GRM5: variants seen among roughly 807,000 people sequenced by gnomAD.
The protein encoded by GRM5 is metabotropic glutamate receptor 5.
A neutral mutation model predicts 83.1 loss-of-function variants in GRM5; 19 were observed. That is an observed-to-expected ratio of 0.23 (90% CI 0.16 to 0.34). The LOEUF (loss-of-function observed/expected upper bound fraction) is 0.34. Ranked by LOEUF, GRM5 falls within the 10% of genes least tolerant of loss-of-function variation. GRM5 has a pLI of 1.00. For missense variants in GRM5, 1,160 were observed against 1,588.3 expected (o/e 0.73, Z 4.58); for synonymous variants, 675 against 633.6 (o/e 1.07, Z -0.98).
chr11:88,978,474 T>TAAAAAAA (rs200343438), intron 2 of GRM5, among the ~76,000 whole-genome samples: 48 of 97,968 alleles, frequency 4.9e-4, no homozygotes, highest in East Asian at 1.2e-3. Context: ...CAGATGAGCT[T>TAAAAAAA]AAAAAAAAAA....
chr11:88,704,280 A>G (rs914589788), intron 3 of GRM5, among the ~76,000 whole-genome samples: 1 of 152,062 alleles, frequency 6.6e-6, no homozygotes, highest in African/African-American at 2.4e-5. Context: ...CCATAGCAGT[A>G]CCTATTTTAA....
intron 3 of GRM5, among the ~76,000 whole-genome samples, chr11:88,786,331 A>G (rs1279612233): frequency 6.6e-6 from 1 of 152,114 alleles, no homozygotes; most frequent in African/African-American, 2.4e-5. Context: ...ACCACCCAGA[A>G]TGAATTTGAG....
intron 2 of GRM5, among the ~76,000 whole-genome samples, chr11:88,889,462 C>T (rs1291560564): frequency 6.6e-6 from 1 of 152,094 alleles, no homozygotes; most frequent in African/African-American, 2.4e-5. Flanking sequence ...ACACCTTGTA[C>T]ACTCACTGTT....
In GRM5 at chr11:88,550,446, G is replaced by A. The variant is rs1176306393; in HGVS notation, c.2630+16607C>T. The stretch of plus-strand genomic sequence containing the variant: ...TGTACTTCATCTGAATCTGTCTTTA[G>A]GACACACATCCAACTCCGTGTACCA... On this transcript the variant is annotated intron_variant, in intron 8 of 9. Transcript: ENST00000305447. Among the ~76,000 whole-genome samples the A allele has an allele frequency of 2.0e-5, 3 of 152,162 alleles. No individual in the cohort carries two copies. In the East Asian group the frequency reaches 5.8e-4, roughly 29 times the overall value.
At chr11:88,944,777 G>A (rs1938225446) in intron 2 of GRM5, among the ~76,000 whole-genome samples, 1 of 151,696 alleles carries the variant, frequency 6.6e-6, no homozygotes, top group African/African-American at 2.4e-5. Context: ...AGCAAAGCCT[G>A]GAAATATCCC....
chr11:88,536,596 T>G (rs919031295), intron 8 of GRM5, among the ~76,000 whole-genome samples: 2 of 152,178 alleles, frequency 1.3e-5, no homozygotes, highest in Non-Finnish European at 2.9e-5. Flanking sequence ...GCACATTCAA[T>G]TCTGTTCCCA....
chr11:88,666,185 A>AATTGT (rs1940039051), intron 3 of GRM5, among the ~76,000 whole-genome samples: 1 of 152,198 alleles, frequency 6.6e-6, no homozygotes, highest in Non-Finnish European at 1.5e-5. Flanking sequence ...AGAAAAAAAG[A>AATTGT]ATTGTAATTG....
At chr11:88,981,543 C>G (rs1939523061) in intron 2 of GRM5, among the ~76,000 whole-genome samples, 1 of 152,062 alleles carries the variant, frequency 6.6e-6, no homozygotes, top group Non-Finnish European at 1.5e-5. Flanking sequence ...AACTATGAGT[C>G]AAGGAGAGAC....
rs767113332 is a variant in GRM5 at position 88,567,145 on chromosome 11, A to G, written c.2538T>C (p.His846=). 1.6e-5 allele frequency: 26 copies of G among 1,614,000 alleles called. No individual in the cohort carries two copies. Among genetic ancestry groups the G allele is most frequent in the Non-Finnish European group, 8.5e-7 (1 of 1,179,998 alleles). Reference sequence around the variant, plus strand: ...CGGAGGATGACTTGCCATCCCCTACATGCATGCGCACCACGGTAGATGTGG... The same window carrying G: ...CGGAGGATGACTTGCCATCCCCTACGTGCATGCGCACCACGGTAGATGTGG... ...AFTTSTVVRM[H]VGDGKSSSAA... is the part of the protein sequence containing the mutation. The change falls in exon 8 of 10, where the codon CAT becomes CAC. Residue 846 remains histidine (H), a synonymous_variant. Coordinates refer to ENST00000305447, the MANE Select transcript of GRM5 (RefSeq NM_001143831.3). The surrounding 1 kb of genome is among the most constrained non-coding windows in gnomAD (Gnocchi z 7.3).
chr11:89,054,644 G>C (rs1591082249), intron 1 of GRM5, among the ~76,000 whole-genome samples: 2 of 152,278 alleles, frequency 1.3e-5, no homozygotes, highest in Non-Finnish European at 1.5e-5. Flanking sequence ...GGAATTCCAA[G>C]GTTCAATGGT....
intron 3 of GRM5, among the ~76,000 whole-genome samples, chr11:88,686,205 GA>G (rs1172952934): frequency 6.6e-6 from 1 of 152,134 alleles, no homozygotes; most frequent in East Asian, 1.9e-4. Flanking sequence ...GTGAGACCTG[GA>G]GTCAAAGGAG....
At chr11:88,848,417 T>G (rs1270648276) in intron 3 of GRM5, among the ~76,000 whole-genome samples, 1 of 152,160 alleles carries the variant, frequency 6.6e-6, no homozygotes, top group African/African-American at 2.4e-5. Context: ...GACGGTCAGT[T>G]AAGCATTTGG....
intron 3 of GRM5, among the ~76,000 whole-genome samples, chr11:88,749,489 G>A (rs1484418081): frequency 3.3e-5 from 5 of 152,118 alleles, no homozygotes; most frequent in Non-Finnish European, 7.4e-5. Flanking sequence ...AAAGAGGTGG[G>A]GAAAGTGGAA....
chr11:88,563,006 C>T (rs555624260), intron 8 of GRM5, among the ~76,000 whole-genome samples: 82 of 152,250 alleles, frequency 5.4e-4, no homozygotes, highest in Non-Finnish European at 1.1e-3. Context: ...TGAACCAACA[C>T]CCGAAGAAAT....
intron 3 of GRM5, among the ~76,000 whole-genome samples, chr11:88,705,628 C>A (rs1208967996): frequency 6.6e-6 from 1 of 150,400 alleles, no homozygotes; most frequent in Non-Finnish European, 1.5e-5. Flanking sequence ...TTTTCTCCTA[C>A]CTTGCTGCCA....
At chr11:88,806,782 A>G (rs1481734927) in intron 3 of GRM5, among the ~76,000 whole-genome samples, 1 of 152,038 alleles carries the variant, frequency 6.6e-6, no homozygotes, top group African/African-American at 2.4e-5. Flanking sequence ...ATCCTGTGAA[A>G]CTTTCCCCAT....
In GRM5 at chr11:88,980,461, C is replaced by G. The variant is rs1157529960; in HGVS notation, c.661+66751G>C. ...ATCTAAGAAAGAGCTAAGAAATGCACTCCTAAAAAGTTAGTTTAATTAAAT... is the reference window on the plus strand; with the variant it reads ...ATCTAAGAAAGAGCTAAGAAATGCAGTCCTAAAAAGTTAGTTTAATTAAAT... On this transcript the variant is annotated intron_variant, in intron 2 of 9. Coordinates refer to ENST00000305447, the MANE Select transcript of GRM5 (RefSeq NM_001143831.3). 5.9e-5 allele frequency among the ~76,000 whole-genome samples: 9 copies of G among 152,258 alleles called. 1 individual carries two copies. In the South Asian group the frequency reaches 1.9e-3, roughly 32 times the overall value.
intron 3 of GRM5, among the ~76,000 whole-genome samples, chr11:88,807,978 CATTTTATAG>C (rs1397762960): frequency 6.6e-6 from 1 of 151,922 alleles, no homozygotes; most frequent in Non-Finnish European, 1.5e-5. Flanking sequence ...GCATATTAGA[CATTTTATAG>C]CATATGTTTT....
At chr11:88,811,133 TAAC>T (rs1943582168) in intron 3 of GRM5, among the ~76,000 whole-genome samples, 1 of 152,072 alleles carries the variant, frequency 6.6e-6, no homozygotes, top group African/African-American at 2.4e-5. Context: ...TGCTATGCCT[TAAC>T]AACACTGGGG....
Sources: allele counts gnomAD v4.1 joint callset (sites outside exome capture counted in the v4.1 genomes callset), GRCh38; gene constraint gnomAD v4.1.1; non-coding constraint Gnocchi (gnomAD v3.1); transcripts MANE v1.5; gene names NCBI Gene and HGNC (gene_info 2026-07-23, HGNC 2026-07-21).